The following PDE1C variants were observed in gnomAD, a reference collection of about 807,000 sequenced individuals.
PDE1C encodes dual specificity calcium/calmodulin-dependent 3',5'-cyclic nucleotide phosphodiesterase 1C.
In PDE1C, 62 loss-of-function variants were observed where a neutral mutation model predicts 93.1. That is an observed-to-expected ratio of 0.67 (90% CI 0.54 to 0.82). The LOEUF is 0.82. Ranked by LOEUF, PDE1C falls within the 40% of genes least tolerant of loss-of-function variation. The probability of loss-of-function intolerance (pLI) is 0.00; values close to 1 mark genes in which losing one functional copy is unlikely to be tolerated. For missense variants in PDE1C, 742 were observed against 884.6 expected, an observed-to-expected ratio of 0.84 and a Z score of 2.04; for synonymous variants, 325 against 310.1, an observed-to-expected ratio of 1.05 and a Z score of -0.50.
At chr7:32,118,854 T>C (rs916064795) in intron 3 of PDE1C, among the ~76,000 whole-genome samples, 2 of 152,224 alleles carry the variant, frequency 1.3e-5, no homozygotes, top group Non-Finnish European at 2.9e-5. Context: ...AACCACAGCA[T>C]ACCTCTAAGT....
At chr7:32,282,833 G>A (rs1050740192) in intron 1 of PDE1C, among the ~76,000 whole-genome samples, 2 of 151,976 alleles carry the variant, frequency 1.3e-5, no homozygotes, top group South Asian at 2.1e-4. Flanking sequence ...GCCCACCTCC[G>A]CCTCCCAAAG....
chr7:31,639,405 C>CACT, the PDE1C span, among the ~76,000 whole-genome samples: 2 of 151,752 alleles, frequency 1.3e-5, no homozygotes, highest in South Asian at 4.1e-4. Flanking sequence ...TTACTGGAGA[C>CACT]GTTGTTTTCA....
intron 1 of PDE1C, among the ~76,000 whole-genome samples, chr7:32,287,478 A>G (rs1812068200): frequency 6.6e-6 from 1 of 152,228 alleles, no homozygotes; most frequent in African/African-American, 2.4e-5. Context: ...CCTTGCCATC[A>G]GAGGACTAAG....
the PDE1C span, among the ~76,000 whole-genome samples, chr7:31,661,653 C>A: frequency 3.9e-5 from 6 of 152,208 alleles, no homozygotes; most frequent in African/African-American, 1.4e-4. Context: ...GTGGAGGTTG[C>A]AGTGAGCCGA....
At chr7:31,667,970 T>C in the PDE1C span, among the ~76,000 whole-genome samples, 4 of 152,062 alleles carry the variant, frequency 2.6e-5, no homozygotes, top group East Asian at 1.9e-4. Context: ...ATGAGGAAGA[T>C]GGTTACTTTC....
chr7:32,060,388 T>C (rs961592196), intron 1 of PDE1C, among the ~76,000 whole-genome samples: 2 of 152,210 alleles, frequency 1.3e-5, no homozygotes, highest in African/African-American at 4.8e-5. Flanking sequence ...TCCAGGTGAA[T>C]TTGAATCAGT....
intron 16 of PDE1C, chr7:31,787,730 A>G (rs1562794398): frequency 6.6e-6 from 1 of 152,312 alleles, no homozygotes; most frequent in South Asian, 2.1e-4. Flanking sequence ...TTTGTCCCAA[A>G]TTGCTGCTCA....
At chr7:31,909,682 A>C (rs1161988815) in intron 2 of PDE1C, among the ~76,000 whole-genome samples, 1 of 152,196 alleles carries the variant, frequency 6.6e-6, no homozygotes, top group Non-Finnish European at 1.5e-5. Flanking sequence ...AAATGAAGGT[A>C]TACTTTATGA....
chr7:32,193,916 G>GTTTTTTTTTTTT (rs1554283858), intron 2 of PDE1C, among the ~76,000 whole-genome samples: 3 of 115,248 alleles, frequency 2.6e-5, no homozygotes, highest in Non-Finnish European at 5.1e-5. Flanking sequence ...GTTTTGTTTT[G>GTTTTTTTTTTTT]TTTTTTTTTT....
At chr7:32,174,065 T>C (rs911183614) in intron 2 of PDE1C, among the ~76,000 whole-genome samples, 5 of 152,118 alleles carry the variant, frequency 3.3e-5, no homozygotes, top group African/African-American at 9.7e-5. Flanking sequence ...GCCCTACACA[T>C]ATATCTTAAT....
At chr7:32,049,708 T>G (rs915677692) in intron 2 of PDE1C, among the ~76,000 whole-genome samples, 1 of 152,176 alleles carries the variant, frequency 6.6e-6, no homozygotes, top group Non-Finnish European at 1.5e-5. Flanking sequence ...TTAATCTGCA[T>G]GTAATCTGTT....
intron 11 of PDE1C, among the ~76,000 whole-genome samples, chr7:31,832,743 A>G (rs77013150): frequency 0.011 from 1,732 of 152,340 alleles, 35 homozygotes; most frequent in African/African-American, 0.039. Context: ...CAGGCAAGAA[A>G]TTCAATATGG....
intron 5 of PDE1C, among the ~76,000 whole-genome samples, chr7:31,873,859 C>T (rs988288123): frequency 7.2e-5 from 11 of 152,344 alleles, no homozygotes; most frequent in African/African-American, 2.6e-4. Context: ...TTAAGCCCTG[C>T]AGCTGCTACT....
At chr7:31,828,029 T>A (rs185295365) in intron 12 of PDE1C, among the ~76,000 whole-genome samples, 56 of 152,136 alleles carry the variant, frequency 3.7e-4, no homozygotes, top group African/African-American at 1.1e-3. Flanking sequence ...GTTATCTCCT[T>A]GGAAAGTTGG....
chr7:32,026,520 A>C (rs1789459596), intron 2 of PDE1C, among the ~76,000 whole-genome samples: 2 of 152,168 alleles, frequency 1.3e-5, no homozygotes, highest in Admixed American at 1.3e-4. Context: ...AAACCCTGGC[A>C]ACACCAAATG....
intron 2 of PDE1C, among the ~76,000 whole-genome samples, chr7:32,182,074 T>C (rs1370056351): frequency 2.0e-5 from 3 of 152,168 alleles, no homozygotes; most frequent in East Asian, 3.9e-4. Flanking sequence ...TTCCTGGACA[T>C]ATACACACTC....
intron 1 of PDE1C, among the ~76,000 whole-genome samples, chr7:32,338,871 C>T (rs1054746161): frequency 9.2e-5 from 14 of 151,990 alleles, no homozygotes; most frequent in East Asian, 1.9e-4. Context: ...AGCGTGGTGG[C>T]GGGCGCCTGT....
intron 3 of PDE1C, among the ~76,000 whole-genome samples, chr7:32,129,974 T>A (rs567219784): frequency 2.0e-5 from 3 of 152,196 alleles, no homozygotes; most frequent in Admixed American, 6.6e-5. Flanking sequence ...AGCTTCCAAG[T>A]TTTTCTTCCC....
intron 10 of PDE1C, 73 bp from the exon 11 acceptor site, chr7:31,837,373 A>G (rs1791252287): frequency 6.5e-6 from 9 of 1,383,938 alleles, no homozygotes; most frequent in African/African-American, 1.5e-5. Flanking sequence ...TTTAAAAATC[A>G]TTAAGTTTTT....
Sources: allele counts gnomAD v4.1 joint callset (sites outside exome capture counted in the v4.1 genomes callset), GRCh38; gene constraint gnomAD v4.1.1; transcripts MANE v1.5; gene names NCBI Gene and HGNC (gene_info 2026-07-23, HGNC 2026-07-21).